Variants in TEAD3 observed in about 807,000 individuals in gnomAD.
TEAD3 encodes the protein TEA domain transcription factor 3.
TEAD3 carries 15 observed loss-of-function variants against 55.6 expected under a neutral mutation model. The observed-to-expected ratio is 0.27, with a 90% CI of 0.18 to 0.42. TEAD3 has a LOEUF of 0.42. TEAD3 is among the 10% of genes least tolerant of loss of function. TEAD3 has a pLI of 1.00. For synonymous variants in TEAD3, 210 were observed against 232.2 expected (o/e 0.90, Z 0.87); for missense variants, 407 against 576.8 (o/e 0.71, Z 3.01).
intron 3 of TEAD3, among the ~76,000 whole-genome samples, chr6:35,482,473 T>C (rs1046207152): frequency 1.3e-5 from 2 of 152,198 alleles, no homozygotes; most frequent in African/African-American, 2.4e-5. Flanking sequence ...TCTAAAATTC[T>C]GAGCTTATCA....
intron 1 of TEAD3, among the ~76,000 whole-genome samples, chr6:35,495,428 G>T (rs1325270218): frequency 6.6e-6 from 1 of 152,176 alleles, no homozygotes; most frequent in Non-Finnish European, 1.5e-5. Flanking sequence ...TCCCTGGGGG[G>T]GTAGGGGAAG....
chr6:35,493,474 C>T (rs1013422789), intron 1 of TEAD3, among the ~76,000 whole-genome samples: 2 of 152,146 alleles, frequency 1.3e-5, no homozygotes, highest in Admixed American at 6.5e-5. Context: ...GCATCAGTCA[C>T]GCCCCACGGT....
In TEAD3 at chr6:35,476,490, C is replaced by T. The variant is rs900141931; in HGVS notation, c.593-55G>A. ...ATGGATGCATGCAGGTGCTTACTGA[C>T]AAAGCTGCCCCCAGCTTGCAAAGGT... On this transcript the variant is annotated intron_variant, in intron 8 of 12. Transcript: ENST00000639578. The T allele has an allele frequency of 1.6e-5, 26 of 1,595,976 alleles. No homozygotes were observed. The South Asian group carries it at 2.6e-4, about 16-fold the overall frequency.
In TEAD3 at chr6:35,484,479, G is replaced by T. The variant is rs116138252; in HGVS notation, c.267+81C>A. On this transcript the variant is annotated intron_variant, in intron 3 of 12. Transcript: ENST00000639578. This position sits in a 1 kb window ranked among gnomAD's most constrained non-coding sequence, Gnocchi z 5.8. ...GTCAGGGGCAGCCTCGAGGAGGTGG[G>T]CAGGGTAGGGGCAAGGGGTTGACCG... The T allele has an allele frequency of 0.01, 14,277 of 1,393,446 alleles. 95 individuals carry two copies. The highest frequency in any genetic ancestry group is 0.013 in the Non-Finnish European group (12,636 of 1,003,726). 86.3% of individuals were successfully genotyped at this position (1,393,446 alleles called of 1,614,324 possible). A position where few individuals can be genotyped will look rare whatever the true frequency, so the allele number is the denominator to read the frequency against.
chr6:35,490,428 C>G (rs925482278), intron 1 of TEAD3, among the ~76,000 whole-genome samples: 1 of 152,160 alleles, frequency 6.6e-6, no homozygotes, highest in Non-Finnish European at 1.5e-5. Flanking sequence ...TAGACGCATG[C>G]GAGACTCACT....
In TEAD3 at chr6:35,485,575, C is replaced by T. The variant is rs974714110; in HGVS notation, c.202+886G>A. ...CCCATTGCTCCTCCCTCCCGCCAGC[C>T]CCTCTCCACCCCACTCTCTCCACCC... is the stretch of plus-strand genomic sequence containing the variant. On this transcript the variant is annotated intron_variant, in intron 2 of 12. Transcript: ENST00000639578. This position sits in a 1 kb window ranked among gnomAD's most constrained non-coding sequence, Gnocchi z 4.3. Among the ~76,000 whole-genome samples the T allele has an allele frequency of 3.3e-5, 5 of 152,348 alleles. No individual in the cohort carries two copies. The highest frequency in any genetic ancestry group is 5.9e-5 in the Non-Finnish European group (4 of 68,036).
chr6:35,480,303 C>T lies in TEAD3; in HGVS notation c.268-181G>A, dbSNP rs369507207. 1 of 1,613,454 alleles carries T rather than the reference C, an allele frequency of 6.2e-7. No homozygotes were observed. Among genetic ancestry groups the T allele is most frequent in the Non-Finnish European group, 8.5e-7 (1 of 1,179,690 alleles). ...AGGGCTGAAGGCCCCCGCCAGGCAC[C>T]CAACATACCTTGATGCCAACCTGGT... On this transcript the variant is annotated intron_variant, in intron 3 of 12. Coordinates refer to ENST00000639578, the Ensembl canonical transcript of TEAD3.
In TEAD3 at chr6:35,478,249, G is replaced by T. The variant is rs779118155; in HGVS notation, c.530+26C>A. ...GTGCGGCTGCCAGGAGGAAGAGGGC[G>T]TGGGATGATGAGCCACAATACTCAC... On this transcript the variant is annotated intron_variant, in intron 7 of 12. Transcript: ENST00000639578. The T allele has an allele frequency of 3.7e-6, 6 of 1,612,472 alleles. No individual in the cohort carries two copies. In the South Asian group the frequency reaches 5.5e-5, roughly 15 times the overall value.
At position 35,485,550 on chromosome 6, in the gene TEAD3, C is replaced by T. The variant is rs1020096318; in HGVS notation, c.202+911G>A. ...ATTCCATTCCGATGACTGAACCAGC[C>T]CCATTGCTCCTCCCTCCCGCCAGCC... On this transcript the variant is annotated intron_variant, in intron 2 of 12. Transcript: ENST00000639578. This position sits in a 1 kb window ranked among gnomAD's most constrained non-coding sequence, Gnocchi z 4.3. Among the ~76,000 whole-genome samples the T allele has an allele frequency of 2.6e-5, 4 of 152,168 alleles. No individual in the cohort carries two copies. The highest frequency in any genetic ancestry group is 9.7e-5 in the African/African-American group (4 of 41,428).
intron 1 of TEAD3, among the ~76,000 whole-genome samples, chr6:35,489,112 G>A (rs1466055656): frequency 1.3e-5 from 2 of 152,186 alleles, no homozygotes; most frequent in Admixed American, 6.5e-5. Context: ...ACTAGTTATT[G>A]TAATTATTCT....
At position 35,485,915 on chromosome 6, in the gene TEAD3, G is replaced by C. The variant is rs1240983378; in HGVS notation, c.202+546C>G. Among the ~76,000 whole-genome samples, 1 of 152,192 alleles carries C rather than the reference G, an allele frequency of 6.6e-6. No homozygotes were observed. Among genetic ancestry groups the C allele is most frequent in the African/African-American group, 2.4e-5 (1 of 41,460 alleles). On this transcript the variant is annotated intron_variant, in intron 2 of 12. Transcript: ENST00000639578. This position sits in a 1 kb window ranked among gnomAD's most constrained non-coding sequence, Gnocchi z 4.3. ...GAGCCCTCTCAGGGCTGGACAAGAG[G>C]GGACACTCCCTTCTGGAAATGGGCA...
chr6:35,482,452 AG>A (rs1176962729), intron 3 of TEAD3, among the ~76,000 whole-genome samples: 1 of 152,212 alleles, frequency 6.6e-6, no homozygotes, highest in Non-Finnish European at 1.5e-5. Flanking sequence ...CTTATAATGA[AG>A]ACAGTGGTTT....
chr6:35,494,323 G>T (rs956550653), intron 1 of TEAD3, among the ~76,000 whole-genome samples: 1 of 152,218 alleles, frequency 6.6e-6, no homozygotes, highest in Non-Finnish European at 1.5e-5. Flanking sequence ...TGTGCAGGGG[G>T]ATGAACCTCT....
intron 1 of TEAD3, among the ~76,000 whole-genome samples, chr6:35,493,322 C>T (rs1768570451): frequency 2.4e-5 from 1 of 41,670 alleles, no homozygotes. Context: ...CACATAGATG[C>T]CACACGTCAG....
chr6:35,496,000 A>C (rs1178577133), intron 1 of TEAD3, among the ~76,000 whole-genome samples: 1 of 152,206 alleles, frequency 6.6e-6, no homozygotes, highest in Non-Finnish European at 1.5e-5. Context: ...CCTCACCAGG[A>C]AAGTTGACAG....
At chr6:35,479,974 G>C (rs571014173) in intron 4 of TEAD3, 1 of 1,231,944 alleles carries the variant, frequency 8.1e-7, no homozygotes, top group Admixed American at 2.2e-5. Context: ...CCCCTTGCCT[G>C]TCCCAGGCTG....
rs1768168900 is a variant in TEAD3, at chr6:35,477,297, T to A, written c.592+14A>T. 2.5e-6 allele frequency: 4 copies of A among 1,609,684 alleles called. No individual in the cohort carries two copies. Among genetic ancestry groups the A allele is most frequent in the Non-Finnish European group, 3.4e-6 (4 of 1,179,708 alleles). Reference sequence around the variant, plus strand: ...GCAGGTGCCAAGGGAGAGCACCTCGTGTGGGGAACTTACTGCTGAGCGTCG... The same window carrying A: ...GCAGGTGCCAAGGGAGAGCACCTCGAGTGGGGAACTTACTGCTGAGCGTCG... On this transcript the variant is annotated intron_variant, in intron 8 of 12. Transcript: ENST00000639578.
rs1333043744 is a variant in TEAD3 at position 35,485,804 on chromosome 6, A to G, written c.202+657T>C. Among the ~76,000 whole-genome samples, 2 of 152,118 alleles carry G rather than the reference A, an allele frequency of 1.3e-5. No individual in the cohort carries two copies. Among genetic ancestry groups the G allele is most frequent in the East Asian group, 1.9e-4 (1 of 5,152 alleles). ...GGGAAGGGCTGGGCCTGCCTCGCTC[A>G]GCCACGGGCTGCTGGGAGGAATAGG... On this transcript the variant is annotated intron_variant, in intron 2 of 12. Coordinates refer to ENST00000639578, the Ensembl canonical transcript of TEAD3. This position sits in a 1 kb window ranked among gnomAD's most constrained non-coding sequence, Gnocchi z 4.3.
At chr6:35,482,785 A>T (rs1768290082) in intron 3 of TEAD3, among the ~76,000 whole-genome samples, 1 of 152,184 alleles carries the variant, frequency 6.6e-6, no homozygotes, top group South Asian at 2.1e-4. Context: ...ACAAAAAAAC[A>T]GTGACCTAGT....
Sources: gnomAD v4.1 joint callset for allele counts (sites outside exome capture counted in the v4.1 genomes callset) on GRCh38, gnomAD v4.1.1 for gene constraint, Gnocchi (gnomAD v3.1) non-coding constraint, MANE v1.5 for transcripts, NCBI Gene and HGNC (gene_info 2026-07-23, HGNC 2026-07-21) for gene names.